Variants in PHRF1 observed in about 807,000 individuals in gnomAD.
PHRF1 encodes PHD and RING finger domain-containing protein 1.
In PHRF1, 53 loss-of-function variants were observed where a neutral mutation model predicts 128.9. The observed-to-expected ratio is 0.41, with a 90% CI of 0.33 to 0.52. The LOEUF is 0.52. PHRF1 is among the 20% of genes least tolerant of loss of function. The probability of loss-of-function intolerance (pLI) is 0.21; values close to 1 mark genes in which losing one functional copy is unlikely to be tolerated. For missense variants in PHRF1, 2,503 were observed against 2,284.5 expected (o/e 1.10, Z -1.95); for synonymous variants, 1,178 against 980.6 (o/e 1.20, Z -3.76).
In PHRF1 at chr11:607,486, C is replaced by T; in HGVS notation, c.2030C>T (p.Ser677Phe). ...CCAGCGCCCAGAAGAACAGACATCT[C>T]TGAGCTACCCAGGATACCAAAGATC... ...LKPAPRRTDI[S>F]ELPRIPKIRR... Residue 677 changes from serine to phenylalanine, a missense_variant, in exon 14 of 18, where the codon TCT becomes TTT. Coordinates refer to ENST00000264555, the MANE Select transcript of PHRF1 (RefSeq NM_001286581.2). 1.2e-6 allele frequency: 2 copies of T among 1,612,876 alleles called. No homozygotes were observed. The highest frequency in any genetic ancestry group is 1.7e-6 in the Non-Finnish European group (2 of 1,179,882).
At chr11:600,731 C>T (rs1294673046) in intron 9 of PHRF1, among the ~76,000 whole-genome samples, 2 of 151,940 alleles carry the variant, frequency 1.3e-5, no homozygotes, top group African/African-American at 4.8e-5. Context: ...CTTTGGGAGG[C>T]CGAGGTGGGC....
intron 1 of PHRF1, 21 bp from the exon 2 acceptor site, chr11:581,471 C>T (rs1854195765): frequency 6.2e-7 from 1 of 1,608,108 alleles, no homozygotes; most frequent in Non-Finnish European, 8.5e-7. Context: ...TTGGAAGTTG[C>T]TTGGCTCTTC....
chr11:602,552 G>C (rs1369503338), intron 10 of PHRF1, among the ~76,000 whole-genome samples: 1 of 151,836 alleles, frequency 6.6e-6, no homozygotes, highest in Non-Finnish European at 1.5e-5. Context: ...TGTGGTGGCA[G>C]GCACCTGCAG....
chr11:594,520 C>T (rs893654567), intron 6 of PHRF1, among the ~76,000 whole-genome samples: 1 of 152,210 alleles, frequency 6.6e-6, no homozygotes. Flanking sequence ...CGAGTCACTG[C>T]AACCTCTGCA....
intron 16 of PHRF1, 25 bp from the exon 17 acceptor site, chr11:610,929 C>G: frequency 6.2e-7 from 1 of 1,609,038 alleles, no homozygotes; most frequent in Non-Finnish European, 8.5e-7. Flanking sequence ...CCTTCCTGGC[C>G]GCATCACACA....
At chr11:602,604 C>G (rs773679831) in intron 10 of PHRF1, among the ~76,000 whole-genome samples, 3 of 151,928 alleles carry the variant, frequency 2.0e-5, no homozygotes, top group Non-Finnish European at 4.4e-5. Flanking sequence ...CACTTGAACC[C>G]TGGGAGGCAG....
chr11:590,322 C>T (rs1222968158), intron 4 of PHRF1, among the ~76,000 whole-genome samples: 2 of 152,210 alleles, frequency 1.3e-5, no homozygotes, highest in East Asian at 1.9e-4. Flanking sequence ...ACACGTCCAT[C>T]GATGTTCACC....
intron 1 of PHRF1, among the ~76,000 whole-genome samples, chr11:579,492 T>C (rs1045444380): frequency 2.0e-5 from 3 of 152,202 alleles, no homozygotes; most frequent in Non-Finnish European, 2.9e-5. Flanking sequence ...TCCTCTTATC[T>C]GAGAGCTGTG....
In PHRF1 at chr11:608,086, G is replaced by A; in HGVS notation, c.2630G>A (p.Arg877His). 3 of 1,611,616 alleles carry A rather than the reference G, an allele frequency of 1.9e-6. No individual in the cohort carries two copies. The highest frequency in any genetic ancestry group is 1.1e-5 in the South Asian group (1 of 91,090). Residue 877 changes from arginine to histidine, a missense_variant, in exon 14 of 18, where the codon CGC becomes CAC. Transcript: ENST00000264555. ...SPKAQTVQAV[R>H]CVTSYTVESI... ...AAGGCCCAGACGGTGCAGGCTGTGC[G>A]CTGCGTCACCTCCTACACGGTGGAG...
intron 3 of PHRF1, among the ~76,000 whole-genome samples, chr11:584,789 G>C (rs541417209): frequency 6.8e-6 from 1 of 146,176 alleles, no homozygotes; most frequent in Non-Finnish European, 1.5e-5. Context: ...CCAGGCTGGA[G>C]TGTAGTGGCG....
chr11:608,449 G>T lies in PHRF1; in HGVS notation c.2993G>T (p.Ser998Ile), dbSNP rs757472898. ...CCTTCCCGGTCCCGCTCCACATCCA[G>T]CTCCCGCAGCAGGAAGAAGGCCAAG... ...RPPSRSRSTS[S>I]SRSRKKAKRK... Residue 998 changes from serine to isoleucine, a missense_variant, in exon 14 of 18, where the codon AGC becomes ATC. Transcript: ENST00000264555. 3 of 1,612,300 alleles carry T rather than the reference G, an allele frequency of 1.9e-6. No individual in the cohort carries two copies. The African/African-American group carries it at 4.0e-5, about 22-fold the overall frequency.
At chr11:582,296 G>A (rs551678596) in intron 3 of PHRF1, among the ~76,000 whole-genome samples, 4 of 145,334 alleles carry the variant, frequency 2.8e-5, no homozygotes, top group African/African-American at 1.0e-4. Context: ...ACAGGGTGTC[G>A]CTCTGTTGCC....
At chr11:581,744 T>C (rs941249420) in intron 2 of PHRF1, 138 bp downstream of exon 2, 1 of 1,019,924 alleles carries the variant, frequency 9.8e-7, no homozygotes, top group Non-Finnish European at 1.4e-6. Context: ...ATTGCGGAAG[T>C]AGTGTATTGT....
Position 609,046 on chromosome 11 carries a change from C to T in PHRF1, c.3590C>T (p.Ala1197Val). 2 of 1,594,874 alleles carry T rather than the reference C, an allele frequency of 1.3e-6. No individual in the cohort carries two copies. Among genetic ancestry groups the T allele is most frequent in the Admixed American group, 1.8e-5 (1 of 56,996 alleles). The change falls in exon 14 of 18, where the codon GCT (alanine) becomes GTT (valine). Residue 1197 changes from alanine (A) to valine (V), a missense_variant. Physicochemically the swap from Ala to Val is moderately conservative, Grantham distance 64 (BLOSUM62 0). Transcript: ENST00000264555. ...TCCCATTCCCCAGAGAGGAAGGGGG[C>T]TGTGAGGGAGGCTTCCCCAGCGCCC... ...TRSHSPERKGAVREASPAPLA... is the reference protein window; with the variant it reads ...TRSHSPERKGVVREASPAPLA...
At position 607,936 on chromosome 11, in the gene PHRF1, G is replaced by A. The variant is rs776096001; in HGVS notation, c.2480G>A (p.Ser827Asn). The change falls in exon 14 of 18, where the codon AGC (serine) becomes AAC (asparagine). Residue 827 changes from serine to asparagine, a missense_variant. Transcript: ENST00000264555. ...FSIKKTKQLR[S>N]EVYDPSDPTG... is the part of the protein sequence containing the mutation. ...ATCAAGAAGACGAAGCAGCTGCGGA[G>A]CGAGGTCTACGACCCATCCGACCCC... The A allele has an allele frequency of 2.5e-6, 4 of 1,612,318 alleles. No homozygotes were observed. The highest frequency in any genetic ancestry group is 3.4e-6 in the Non-Finnish European group (4 of 1,179,868).
Position 583,327 on chromosome 11 carries a change from ACT to A in PHRF1, c.214+1249_214+1250del, listed in dbSNP as rs200148178. Reference sequence around the variant, plus strand: ...ACTCCAGCCTGGGCAACAGAGCGAGACTCTGTCTCAAAAAAAACAAACAAAAA... The same window carrying A: ...ACTCCAGCCTGGGCAACAGAGCGAGACTGTCTCAAAAAAAACAAACAAAAA... On this transcript the variant is annotated intron_variant, in intron 3 of 17. Transcript: ENST00000264555. 1.0e-3 allele frequency among the ~76,000 whole-genome samples: 159 copies of A among 151,846 alleles called. 5 individuals carry two copies. In the East Asian group the frequency reaches 0.028, roughly 27 times the overall value.
chr11:610,854 T>C (rs1856340119), intron 16 of PHRF1, 93 bp downstream of exon 16: 7 of 1,582,826 alleles, frequency 4.4e-6, no homozygotes, highest in Non-Finnish European at 6.0e-6. Flanking sequence ...AGCTGGTCGC[T>C]GTGCCTCTGG....
intron 4 of PHRF1, among the ~76,000 whole-genome samples, chr11:590,197 T>C (rs1264645389): frequency 6.6e-6 from 1 of 152,236 alleles, no homozygotes; most frequent in Non-Finnish European, 1.5e-5. Context: ...CCCCTGGAGC[T>C]GGTCGGTAGG....
intron 9 of PHRF1, among the ~76,000 whole-genome samples, chr11:600,484 G>C (rs1357755008): frequency 8.8e-5 from 9 of 102,066 alleles, no homozygotes; most frequent in African/African-American, 3.2e-4. Flanking sequence ...GTGAGACTCT[G>C]TCTCCAAAAA....
Sources: allele counts gnomAD v4.1 joint callset (sites outside exome capture counted in the v4.1 genomes callset), GRCh38; gene constraint gnomAD v4.1.1; transcripts MANE v1.5; gene names NCBI Gene and HGNC (gene_info 2026-07-23, HGNC 2026-07-21).